MACF1: variants seen among roughly 807,000 people sequenced by gnomAD.
The protein encoded by MACF1 is microtubule actin crosslinking factor 1.
Under a neutral mutation model 854.8 loss-of-function variants are expected in MACF1, and 193 were observed. The ratio of observed to expected loss-of-function variants is 0.23; its 90% confidence interval spans 0.20 to 0.25. The LOEUF is 0.25. MACF1 is among the 10% of genes least tolerant of loss of function. The pLI, the probability that MACF1 is intolerant of heterozygous loss-of-function variation, is 1.00. For synonymous variants in MACF1, 3,185 were observed against 3,226.7 expected (o/e 0.99, Z 0.44); for missense variants, 7,722 against 8,929.1 (o/e 0.86, Z 5.45).
chr1:39,435,799 T>C, intron 70 of MACF1, 38 bp downstream of exon 70: 8 of 1,588,848 alleles, frequency 5.0e-6, no homozygotes, highest in Non-Finnish European at 6.9e-6. Context: ...TTGAATTGTC[T>C]ACTGTTCTAA....
At position 39,331,748 on chromosome 1, in the gene MACF1, C is replaced by G. The variant is rs1178502059; in HGVS notation, c.5160C>G (p.His1720Gln). 1 of 1,614,008 alleles carries G rather than the reference C, an allele frequency of 6.2e-7. No individual in the cohort carries two copies. The highest frequency in any genetic ancestry group is 8.5e-7 in the Non-Finnish European group (1 of 1,180,036). ...ATCTGATGCAGCGATGTATTGTCCA[C>G]CAGGAATCAGGATTCAAATTACTGC... ...LLDLMQRCIV[H>Q]QESGFKLLPV... The change falls in exon 37 of 101, where the codon CAC (histidine) becomes CAG (glutamine). Residue 1720 changes from histidine (H) to glutamine (Q), a missense_variant. By Grantham distance (24) the His-to-Gln change is conservative (BLOSUM62 0). Around this residue, in one of 15 missense-constraint regions of MACF1, gnomAD observed 1,531 missense variants for 1,601.6 expected, o/e 0.96. Transcript: ENST00000564288.
chr1:39,359,092 T>C (rs367576201), intron 46 of MACF1, 49 bp from the exon 47 acceptor site: 67 of 1,609,616 alleles, frequency 4.2e-5, no homozygotes, highest in Non-Finnish European at 5.1e-5. Flanking sequence ...CCTAGAATCA[T>C]CTTTGATTAC....
In MACF1 at chr1:39,334,827, G is replaced by C; in HGVS notation, c.8239G>C (p.Glu2747Gln). Residue 2747 changes from glutamate to glutamine, a missense_variant, in exon 37 of 101, where the codon GAG (glutamate) becomes CAG (glutamine). Glu to Gln is a conservative substitution (Grantham distance 29, BLOSUM62 2). Coordinates refer to ENST00000564288, the MANE Select transcript of MACF1 (RefSeq NM_001394062.1). The part of the protein sequence containing the change: ...DQRVTLVEAI[E>Q]KRLISPELAN... ...GAGAGTGACTTTAGTAGAAGCTATTGAGAAAAGACTGATCAGCCCTGAACT... is the reference window on the plus strand; with the variant it reads ...GAGAGTGACTTTAGTAGAAGCTATTCAGAAAAGACTGATCAGCCCTGAACT... The C allele has an allele frequency of 6.2e-7, 1 of 1,614,138 alleles. No individual in the cohort carries two copies. Among genetic ancestry groups the C allele is most frequent in the Non-Finnish European group, 8.5e-7 (1 of 1,180,008 alleles).
In MACF1 at chr1:39,368,233, C is replaced by A; in HGVS notation, c.12857C>A (p.Ala4286Glu). Residue 4286 changes from alanine (A) to glutamate (E), a missense_variant, in exon 50 of 101, where the codon GCG becomes GAG. Transcript: ENST00000564288. ...ACTGAACTGAGCTCTTGTGGCTTTG[C>A]GCTGGACTTGTGCCAGCATCAGGAC... ...LVTELSSCGF[A>E]LDLCQHQDRV... 1.2e-6 allele frequency: 2 copies of A among 1,614,014 alleles called. No individual in the cohort carries two copies. The highest frequency in any genetic ancestry group is 1.7e-6 in the Non-Finnish European group (2 of 1,179,938).
rs771330209 is a variant in MACF1 at position 39,432,644 on chromosome 1, A to G, written c.17447A>G (p.Gln5816Arg). Residue 5816 changes from glutamine (Q) to arginine (R), a missense_variant, in exon 67 of 101, where the codon CAG (glutamine) becomes CGG (arginine). This residue lies in a region of MACF1 where 2,807 missense variants were observed against 3,235.8 expected (regional missense o/e 0.87). Transcript: ENST00000564288. The part of the protein sequence containing the change: ...LEQDQTTAQL[Q>R]VQKAFSIDII... Reference sequence around the variant, plus strand: ...CAGGACCAGACCACAGCTCAGCTTCAGGTACAGAAGGTACGTGCCCACTCT... The same window carrying G: ...CAGGACCAGACCACAGCTCAGCTTCGGGTACAGAAGGTACGTGCCCACTCT... The G allele has an allele frequency of 1.2e-6, 2 of 1,613,828 alleles. No individual in the cohort carries two copies. Among genetic ancestry groups the G allele is most frequent in the Non-Finnish European group, 1.7e-6 (2 of 1,179,868 alleles).
At chr1:39,415,044 A>G (rs1412236843) in intron 58 of MACF1, among the ~76,000 whole-genome samples, 1 of 152,226 alleles carries the variant, frequency 6.6e-6, no homozygotes, top group Non-Finnish European at 1.5e-5. Flanking sequence ...TATCCTCCCC[A>G]TTCTTTTCAA....
At chr1:39,444,872 GA>G in intron 80 of MACF1, 37 bp downstream of exon 80, 1 of 1,518,788 alleles carries the variant, frequency 6.6e-7, no homozygotes, top group South Asian at 1.3e-5. Flanking sequence ...GTAATTTGCT[GA>G]GTGATTGCAT....
chr1:39,349,707 A>C, intron 42 of MACF1, 80 bp downstream of exon 42: 30 of 1,451,842 alleles, frequency 2.1e-5, no homozygotes, highest in Non-Finnish European at 2.7e-5. Context: ...ATCTTGGCTC[A>C]CTGCAGCTTC....
In MACF1 at chr1:39,332,849, G is replaced by A. The variant is rs1201459088; in HGVS notation, c.6261G>A (p.Glu2087=). The change falls in exon 37 of 101, where the codon GAG becomes GAA. Residue 2087 remains glutamate, a synonymous_variant. Coordinates refer to ENST00000564288, the MANE Select transcript of MACF1 (RefSeq NM_001394062.1). ...AGGATCTGTTTGTAGAACAAAAAGA[G>A]AGAAATCCAAACATTGATGCTTTGA... ...PEQDLFVEQK[E]RNPNIDALKV... 73 of 1,613,988 alleles carry A rather than the reference G, an allele frequency of 4.5e-5. No individual in the cohort carries two copies. The highest frequency in any genetic ancestry group is 6.0e-5 in the Non-Finnish European group (71 of 1,180,008).
chr1:39,292,174 C>A, intron 16 of MACF1, 136 bp downstream of exon 16: 2 of 1,003,606 alleles, frequency 2.0e-6, no homozygotes, highest in Non-Finnish European at 2.8e-6. Flanking sequence ...CGGTTTATGA[C>A]AAATTCCCTT....
chr1:39,275,925 C>CTTCTT (rs537551056), intron 6 of MACF1, among the ~76,000 whole-genome samples: 86 of 146,732 alleles, frequency 5.9e-4, no homozygotes, highest in South Asian at 1.8e-3. Flanking sequence ...TCTTCTTCTT[C>CTTCTT]TTTTTTTTTT....
intron 23 of MACF1, 35 bp from the exon 24 acceptor site, chr1:39,309,535 A>T: frequency 6.2e-7 from 1 of 1,612,406 alleles, no homozygotes; most frequent in Non-Finnish European, 8.5e-7. Flanking sequence ...CTGAAGTCTT[A>T]CAAAGGTAAT....
Position 39,273,463 on chromosome 1 carries a change from C to G in MACF1, c.529-8745C>G, listed in dbSNP as rs957974286. ...TACAAGTATCCCTCTCCCAGTTTTC[C>G]TTTTTAATTATAGGGAGAGTTGTTT... On this transcript the variant is annotated intron_variant, in intron 6 of 100. Transcript: ENST00000564288. 5.9e-5 allele frequency among the ~76,000 whole-genome samples: 9 copies of G among 152,214 alleles called. No individual in the cohort carries two copies. In the South Asian group the frequency reaches 1.4e-3, roughly 25 times the overall value.
chr1:39,100,326 A>G (rs927135450), intron 2 of MACF1, among the ~76,000 whole-genome samples: 2 of 152,240 alleles, frequency 1.3e-5, no homozygotes, highest in African/African-American at 4.8e-5. Flanking sequence ...CATTCTAGGC[A>G]AAGCCTCAGA....
At chr1:39,095,561 CAA>C (rs34021324) in intron 2 of MACF1, among the ~76,000 whole-genome samples, 468 of 55,872 alleles carry the variant, frequency 8.4e-3, no homozygotes, top group Middle Eastern at 0.036. Context: ...GACTCTGTCT[CAA>C]AAAAAAAAAA....
In MACF1 at chr1:39,284,326, T is replaced by C. The variant is rs992600180; in HGVS notation, c.1036-7T>C. 1 of 1,575,820 alleles carries C rather than the reference T, an allele frequency of 6.3e-7. No individual in the cohort carries two copies. Among genetic ancestry groups the C allele is most frequent in the Non-Finnish European group, 8.6e-7 (1 of 1,166,034 alleles). On this transcript the variant is annotated splice_polypyrimidine_tract_variant and splice_region_variant and intron_variant, in intron 10 of 100. Coordinates refer to ENST00000564288, the MANE Select transcript of MACF1 (RefSeq NM_001394062.1). ...GTCCATTTATTCACCAAATATTAAT[T>C]TTATAGGCACTTTATAACCAATATA...
intron 2 of MACF1, among the ~76,000 whole-genome samples, chr1:39,194,317 ATTTCT>A (rs138791842): frequency 0.018 from 1,940 of 105,244 alleles, 72 homozygotes; most frequent in African/African-American, 0.045. Context: ...CAGAAGTGGA[ATTTCT>A]TTTCTTTTCT....
In MACF1 at chr1:39,337,282, C is replaced by A. The variant is rs374733161; in HGVS notation, c.10166C>A (p.Pro3389His). 9 of 1,613,960 alleles carry A rather than the reference C, an allele frequency of 5.6e-6. No homozygotes were observed. The African/African-American group carries it at 1.2e-4, about 22-fold the overall frequency. ...GAAATGAGGACCAAACAGATTCAACCTTTGGAGCTAAACCTGGCAGAACTA... is the reference window on the plus strand; with the variant it reads ...GAAATGAGGACCAAACAGATTCAACATTTGGAGCTAAACCTGGCAGAACTA... ...NIEMRTKQIQ[P>H]LELNLAELQD... The change falls in exon 38 of 101, where the codon CCT (proline) becomes CAT (histidine). Residue 3389 changes from proline (P) to histidine (H), a missense_variant. By Grantham distance (77) the Pro-to-His change is moderately conservative. Coordinates refer to ENST00000564288, the MANE Select transcript of MACF1 (RefSeq NM_001394062.1).
At position 39,239,134 on chromosome 1, in the gene MACF1, A is replaced by G. The variant is rs1164989721; in HGVS notation, c.171+7891A>G. ...CATCTCTACTAAAAATACAAAAATT[A>G]GCTGGGAGTGGTGGCTGGCGCCTAT... On this transcript the variant is annotated intron_variant, in intron 2 of 100. Coordinates refer to ENST00000564288, the MANE Select transcript of MACF1 (RefSeq NM_001394062.1). Among the ~76,000 whole-genome samples, 4 of 152,232 alleles carry G rather than the reference A, an allele frequency of 2.6e-5. No homozygotes were observed. In the East Asian group the frequency reaches 7.7e-4, roughly 29 times the overall value.
Sources: gnomAD v4.1 joint callset for allele counts (sites outside exome capture counted in the v4.1 genomes callset) on GRCh38, gnomAD v4.1.1 for gene constraint, gnomAD v4.1.1 regional missense constraint, MANE v1.5 for transcripts, NCBI Gene and HGNC (gene_info 2026-07-23, HGNC 2026-07-21) for gene names.